TLCD4: variants seen among roughly 807,000 people sequenced by gnomAD.
The protein encoded by TLCD4 is TLC domain-containing protein 4.
A neutral mutation model predicts 24.2 loss-of-function variants in TLCD4; 7 were observed. That is an observed-to-expected ratio of 0.29 (90% CI 0.16 to 0.54). The LOEUF is 0.54. TLCD4 is among the 20% of genes least tolerant of loss of function. The probability of loss-of-function intolerance (pLI) is 0.95; values close to 1 mark genes in which losing one functional copy is unlikely to be tolerated. For synonymous variants in TLCD4, 103 were observed against 106.4 expected (o/e 0.97, Z 0.20); for missense variants, 259 against 313.9 (o/e 0.82, Z 1.32).
At chr1:95,137,007 C>T (rs565078648) in intron 1 of TLCD4, among the ~76,000 whole-genome samples, 3 of 151,514 alleles carry the variant, frequency 2.0e-5, no homozygotes, top group South Asian at 2.1e-4. Flanking sequence ...TGGTACATGG[C>T]GGGTGGTGAA....
At chr1:95,127,227 T>G (rs1023458130) in intron 1 of TLCD4, among the ~76,000 whole-genome samples, 1 of 152,174 alleles carries the variant, frequency 6.6e-6, no homozygotes, top group African/African-American at 2.4e-5. Context: ...GGGAGACATA[T>G]GCTAACTTGT....
chr1:95,165,815 T>G (rs1180052014), intron 5 of TLCD4, among the ~76,000 whole-genome samples: 3 of 152,196 alleles, frequency 2.0e-5, no homozygotes. Flanking sequence ...AAAATTCTCT[T>G]CAGAGAACCA....
chr1:95,106,356 T>C, the TLCD4 span, among the ~76,000 whole-genome samples: 3 of 152,180 alleles, frequency 2.0e-5, no homozygotes, highest in Non-Finnish European at 4.4e-5. Context: ...TTATTGAAAA[T>C]AAATCCCCTT....
chr1:95,119,473 A>G (rs972836760), intron 1 of TLCD4, among the ~76,000 whole-genome samples: 5 of 152,266 alleles, frequency 3.3e-5, no homozygotes, highest in Admixed American at 1.3e-4. Flanking sequence ...CCTCCCTGTA[A>G]CCAGATAACT....
chr1:95,097,622 G>A, the TLCD4 span, among the ~76,000 whole-genome samples: 1 of 152,218 alleles, frequency 6.6e-6, no homozygotes, highest in Non-Finnish European at 1.5e-5. Flanking sequence ...CCTAAGAGGT[G>A]TGTGTGAGGT....
intron 1 of TLCD4, among the ~76,000 whole-genome samples, chr1:95,136,050 T>A (rs905774173): frequency 1.6e-4 from 25 of 152,102 alleles, no homozygotes; most frequent in African/African-American, 6.0e-4. Context: ...TTTTTTTTTT[T>A]TATTTTTTTT....
intron 2 of TLCD4, among the ~76,000 whole-genome samples, chr1:95,146,364 G>T (rs1442867413): frequency 6.6e-6 from 1 of 152,020 alleles, no homozygotes; most frequent in Admixed American, 6.6e-5. Context: ...GTCTTATTGT[G>T]TTGAAATACT....
intron 5 of TLCD4, among the ~76,000 whole-genome samples, chr1:95,152,928 G>A (rs977302179): frequency 2.0e-5 from 3 of 151,992 alleles, no homozygotes; most frequent in Non-Finnish European, 4.4e-5. Context: ...CACTTTTTGT[G>A]TATGTGTTCC....
At chr1:95,178,015 A>T (rs1251914777) in intron 6 of TLCD4, among the ~76,000 whole-genome samples, 1 of 142,022 alleles carries the variant, frequency 7.0e-6, no homozygotes, top group Non-Finnish European at 1.5e-5. Flanking sequence ...CAGTGGCGTG[A>T]TCTTGGCTCA....
intron 1 of TLCD4, among the ~76,000 whole-genome samples, chr1:95,136,507 A>G (rs1456125849): frequency 6.6e-6 from 1 of 152,246 alleles, no homozygotes; most frequent in African/African-American, 2.4e-5. Context: ...TTAAGTAAAC[A>G]TACAAATATT....
rs1165498793 is a variant in TLCD4 at position 95,123,007 on chromosome 1, T to G, written c.-12+5390T>G. On this transcript the variant is annotated intron_variant, in intron 1 of 6. Coordinates refer to ENST00000370203, the MANE Select transcript of TLCD4 (RefSeq NM_152487.3). ...TTTAAAAAGAGAAATAGGGTCTCAC[T>G]GTGTTGCCCCAGGCTGGTCTTGAAC... 3.9e-5 allele frequency among the ~76,000 whole-genome samples: 6 copies of G among 152,180 alleles called. 1 individual carries two copies. The highest frequency in any genetic ancestry group is 6.8e-3 in the Middle Eastern group (2 of 294).
rs540250945 is a variant in TLCD4, at chr1:95,192,809, C to T, written c.*941C>T. ...TTAAGATTTTTTCAAATATCACTGT[C>T]ATTTCTATTTTAGCATTTTATCAAA... On this transcript the variant is annotated 3_prime_UTR_variant, in exon 7 of 7. Coordinates refer to ENST00000370203, the MANE Select transcript of TLCD4 (RefSeq NM_152487.3). The T allele has an allele frequency of 6.6e-5, 10 of 152,120 alleles. No homozygotes were observed. The East Asian group carries it at 1.9e-3, about 29-fold the overall frequency. 9.4% of individuals were successfully genotyped at this position (152,120 alleles called of 1,614,324 possible). A position where few individuals can be genotyped will look rare whatever the true frequency, so the allele number is the denominator to read the frequency against.
intron 1 of TLCD4, chr1:95,120,142 A>T (rs901948205): frequency 6.6e-6 from 1 of 152,246 alleles, no homozygotes; most frequent in African/African-American, 2.4e-5. Context: ...GAGAAGAAGA[A>T]GATAGCAGTA....
chr1:95,157,377 G>T (rs544302583), intron 5 of TLCD4, among the ~76,000 whole-genome samples: 13 of 152,092 alleles, frequency 8.5e-5, no homozygotes, highest in South Asian at 8.3e-4. Context: ...TATTGAAGTG[G>T]TTCTGGCAAT....
chr1:95,105,375 C>A, the TLCD4 span, among the ~76,000 whole-genome samples: 1 of 152,130 alleles, frequency 6.6e-6, no homozygotes, highest in African/African-American at 2.4e-5. Flanking sequence ...AATTGATAAT[C>A]CAGGTGTATT....
At chr1:95,152,426 T>C (rs1050812092) in intron 5 of TLCD4, among the ~76,000 whole-genome samples, 4 of 152,132 alleles carry the variant, frequency 2.6e-5, no homozygotes, top group African/African-American at 7.2e-5. Context: ...GAAAGCACTT[T>C]GACTTAATAC....
chr1:95,149,583 G>C (rs1300554713), intron 3 of TLCD4, among the ~76,000 whole-genome samples: 2 of 151,932 alleles, frequency 1.3e-5, no homozygotes, highest in South Asian at 2.1e-4. Flanking sequence ...ATTTTCATTG[G>C]GATGCTGTTT....
intron 6 of TLCD4, among the ~76,000 whole-genome samples, chr1:95,182,454 A>T (rs1678679010): frequency 6.6e-6 from 1 of 152,174 alleles, no homozygotes. Flanking sequence ...GAAGTCATCT[A>T]ATAAAAATAA....
At chr1:95,135,395 CTTTTT>C (rs1188061128) in intron 1 of TLCD4, among the ~76,000 whole-genome samples, 1 of 130,508 alleles carries the variant, frequency 7.7e-6, no homozygotes, top group Non-Finnish European at 1.6e-5. Context: ...TTTTTGTACA[CTTTTT>C]TTTTTTTTTT....
Sources: allele counts gnomAD v4.1 joint callset (sites outside exome capture counted in the v4.1 genomes callset), GRCh38; gene constraint gnomAD v4.1.1; transcripts MANE v1.5; gene names NCBI Gene and HGNC (gene_info 2026-07-23, HGNC 2026-07-21).